PTPRH: variants seen among roughly 807,000 people sequenced by gnomAD.
The protein encoded by PTPRH is receptor-type tyrosine-protein phosphatase H.
Under a neutral mutation model 130.2 loss-of-function variants are expected in PTPRH, and 113 were observed. The ratio of observed to expected loss-of-function variants is 0.87; its 90% CI spans 0.75 to 1.01. The LOEUF (loss-of-function observed/expected upper bound fraction) is 1.01, where lower values mean the gene tolerates loss of function less well. Ranked by LOEUF, PTPRH falls within the 50% of genes least tolerant of loss-of-function variation. The pLI is 0.00. For missense variants in PTPRH, 1,430 were observed against 1,425.0 expected (o/e 1.00, Z -0.06); for synonymous variants, 556 against 577.9 (o/e 0.96, Z 0.54).
At chr19:55,187,159 C>A (rs939305801) in intron 14 of PTPRH, among the ~76,000 whole-genome samples, 6 of 150,354 alleles carry the variant, frequency 4.0e-5, no homozygotes, top group African/African-American at 1.2e-4. Context: ...TCCTGGCTAA[C>A]ACGGTGAAAC....
At chr19:55,194,404 C>T in intron 10 of PTPRH, 2 of 1,114,034 alleles carry the variant, frequency 1.8e-6, no homozygotes, top group Non-Finnish European at 2.3e-6. Context: ...GACTAGAGGA[C>T]CTGTTCTCTC....
chr19:55,202,296 C>T lies in PTPRH; in HGVS notation c.913G>A (p.Val305Met), dbSNP rs772670081. Residue 305 changes from valine (V) to methionine (M), a missense_variant, in exon 6 of 20, where the codon GTG becomes ATG. Coordinates refer to ENST00000376350, the MANE Select transcript of PTPRH (RefSeq NM_002842.5). ...TAPNPVRNLT[V>M]EAQTNSSIAL... ...ATGGAGCTGTTGGTCTGAGCCTCCA[C>T]TGTCAGGTTTCTCACTGGGTTGGGA... is the stretch of plus-strand genomic sequence containing the variant. 221 of 1,614,096 alleles carry T rather than the reference C, an allele frequency of 1.4e-4. No homozygotes were observed. The highest frequency in any genetic ancestry group is 1.8e-4 in the Non-Finnish European group (213 of 1,180,044).
intron 18 of PTPRH, among the ~76,000 whole-genome samples, 162 bp from the exon 19 acceptor site, chr19:55,182,313 G>A (rs1258287252): frequency 2.6e-5 from 4 of 152,114 alleles, no homozygotes; most frequent in Non-Finnish European, 5.9e-5. Context: ...ATCACCCAAG[G>A]TCAGGAGTTC....
chr19:55,204,653 C>T (rs1397093192), intron 4 of PTPRH, among the ~76,000 whole-genome samples: 4 of 151,866 alleles, frequency 2.6e-5, no homozygotes, highest in South Asian at 2.1e-4. Context: ...CTCAGAGACC[C>T]GGATGCTGCC....
intron 18 of PTPRH, among the ~76,000 whole-genome samples, chr19:55,182,353 G>A (rs928591234): frequency 1.3e-5 from 2 of 152,292 alleles, no homozygotes; most frequent in Middle Eastern, 3.4e-3. Context: ...TGGCAAAACC[G>A]TCTCTTCTAA....
chr19:55,189,899 T>C (rs992343233), intron 12 of PTPRH: 17 of 365,318 alleles, frequency 4.7e-5, no homozygotes, highest in African/African-American at 2.6e-4. Context: ...GAGGCTGAGA[T>C]GGGAGGGTCA....
At chr19:55,186,146 TG>T (rs2086317519) in intron 16 of PTPRH, 78 bp downstream of exon 16, 5 of 1,572,064 alleles carry the variant, frequency 3.2e-6, no homozygotes, top group East Asian at 2.3e-5. Context: ...CCGTAAGGTC[TG>T]GGTGTGGGGT....
chr19:55,193,459 A>C (rs1449616110), intron 10 of PTPRH, among the ~76,000 whole-genome samples: 1 of 151,996 alleles, frequency 6.6e-6, no homozygotes, highest in East Asian at 1.9e-4. Flanking sequence ...CAAAACAAAA[A>C]AGTGATTCTT....
At position 55,206,006 on chromosome 19, in the gene PTPRH, G is replaced by A. The variant is rs185702230; in HGVS notation, c.353-414C>T. Reference sequence around the variant, plus strand: ...CCCGCACTTTGGGAGGCCGAGGCAGGCGGATCACCTGAGGTCAGGAGTTCG... The same window carrying A: ...CCCGCACTTTGGGAGGCCGAGGCAGACGGATCACCTGAGGTCAGGAGTTCG... On this transcript the variant is annotated intron_variant, in intron 3 of 19. Transcript: ENST00000376350. 3.5e-4 allele frequency among the ~76,000 whole-genome samples: 53 copies of A among 152,288 alleles called. 2 individuals carry two copies. In the East Asian group the frequency reaches 0.01, roughly 29 times the overall value.
chr19:55,194,222 C>T (rs559615241), intron 10 of PTPRH: 56 of 1,289,634 alleles, frequency 4.3e-5, no homozygotes, highest in Non-Finnish European at 5.1e-5. Context: ...TTAGATGTCT[C>T]GTCTTAGGGT....
rs1221956758 is a variant in PTPRH, at chr19:55,187,582, T to C, written c.2497A>G (p.Ser833Gly). ...EYQQLSLVGHSQSQMVASASE... is the reference protein window; with the variant it reads ...EYQQLSLVGHGQSQMVASASE... ...GCCGAAGCCACCATCTGAGACTGGC[T>C]GTGGCCCACCAGGGAGAGTTGCTGG... The change falls in exon 14 of 20, where the codon AGC (serine) becomes GGC (glycine). Residue 833 changes from serine (S) to glycine (G), a missense_variant. By Grantham distance (56) the Ser-to-Gly change is moderately conservative. Transcript: ENST00000376350. The C allele has an allele frequency of 1.2e-6, 2 of 1,613,022 alleles. No homozygotes were observed. Among genetic ancestry groups the C allele is most frequent in the African/African-American group, 1.3e-5 (1 of 74,794 alleles).
At chr19:55,204,099 C>A (rs45465891) in intron 4 of PTPRH, 51 bp from the exon 5 acceptor site, 1 of 1,512,694 alleles carries the variant, frequency 6.6e-7, no homozygotes, top group South Asian at 1.3e-5. Context: ...CAGAACATAA[C>A]GGGGGCAGCC....
At chr19:55,190,419 C>T (rs1230736937) in intron 12 of PTPRH, among the ~76,000 whole-genome samples, 1 of 145,342 alleles carries the variant, frequency 6.9e-6, no homozygotes, top group Non-Finnish European at 1.5e-5. Context: ...TTCCTATCCC[C>T]TCCTTTTGCC....
At chr19:55,191,976 G>T in intron 10 of PTPRH, 1 of 649,102 alleles carries the variant, frequency 1.5e-6, no homozygotes. Context: ...CTCCTCCTCC[G>T]CCTACTCAAC....
rs1483986203 is a variant in PTPRH at position 55,198,721 on chromosome 19, C to A, written c.1612G>T (p.Gly538Cys). 6.2e-7 allele frequency: 1 copy of A among 1,614,126 alleles called. No homozygotes were observed. Residue 538 changes from glycine to cysteine, a missense_variant, in exon 8 of 20, where the codon GGC (glycine) becomes TGC (cysteine). Gly to Cys is a radical substitution (Grantham distance 159). Coordinates refer to ENST00000376350, the MANE Select transcript of PTPRH (RefSeq NM_002842.5). ...TDITLKELEAGSLYHLTVWAE... is the reference protein window; with the variant it reads ...TDITLKELEACSLYHLTVWAE... Reference sequence around the variant, plus strand: ...CAGACGGTGAGGTGGTACAGGCTGCCAGCTTCCAGTTCCTTTAGGGTGATG... The same window carrying A: ...CAGACGGTGAGGTGGTACAGGCTGCAAGCTTCCAGTTCCTTTAGGGTGATG...
chr19:55,202,392 C>T, intron 5 of PTPRH, 70 bp from the exon 6 acceptor site: 1 of 1,582,626 alleles, frequency 6.3e-7, no homozygotes, highest in South Asian at 1.2e-5. Flanking sequence ...CCTTCCTTAA[C>T]CATTGCATCC....
intron 14 of PTPRH, among the ~76,000 whole-genome samples, chr19:55,187,140 T>C (rs2365730): frequency 0.099 from 14,732 of 149,444 alleles, 776 homozygotes; most frequent in Middle Eastern, 0.17. Flanking sequence ...GGTCAGGAGA[T>C]CGAGACCATC....
At position 55,197,207 on chromosome 19, in the gene PTPRH, C is replaced by T. The variant is rs148809496; in HGVS notation, c.1900G>A (p.Ala634Thr). 2.5e-6 allele frequency: 4 copies of T among 1,614,264 alleles called. No individual in the cohort carries two copies. The highest frequency in any genetic ancestry group is 1.7e-5 in the Admixed American group (1 of 60,030). Residue 634 changes from alanine (A) to threonine (T), a missense_variant, in exon 9 of 20, where the codon GCC becomes ACC. Transcript: ENST00000376350. The part of the protein sequence containing the change: ...RTNETWYKVE[A>T]LEPGTLYNFT... ...TTGTACAACGTCCCGGGTTCCAGGG[C>T]CTCCACTTTGTACCACGTCTCATTG...
At chr19:55,190,828 CT>C (rs2086513763) in intron 12 of PTPRH, among the ~76,000 whole-genome samples, 2 of 150,754 alleles carry the variant, frequency 1.3e-5, no homozygotes, top group African/African-American at 4.9e-5. Context: ...TTTTTATGAT[CT>C]TTTTTAATTT....
Sources: gnomAD v4.1 joint callset for allele counts (sites outside exome capture counted in the v4.1 genomes callset) on GRCh38, gnomAD v4.1.1 for gene constraint, MANE v1.5 for transcripts, NCBI Gene and HGNC (gene_info 2026-07-23, HGNC 2026-07-21) for gene names.